Variants in PTPRT observed in about 807,000 individuals in gnomAD.
The protein encoded by PTPRT is receptor-type tyrosine-protein phosphatase T.
A neutral mutation model predicts 176.8 loss-of-function variants in PTPRT; 56 were observed. The ratio of observed to expected loss-of-function variants is 0.32; its 90% CI spans 0.26 to 0.40. The LOEUF (loss-of-function observed/expected upper bound fraction) is 0.40, where lower values mean the gene tolerates loss of function less well. Among genes scored for constraint, PTPRT ranks in the 10% least tolerant of loss-of-function variants. PTPRT has a pLI of 1.00. For synonymous variants in PTPRT, 783 were observed against 739.0 expected, an observed-to-expected ratio of 1.06 and a Z score of -0.96; for missense variants, 1,540 against 1,908.2, an observed-to-expected ratio of 0.81 and a Z score of 3.60.
At chr20:42,516,758 A>G (rs2072074950) in intron 7 of PTPRT, among the ~76,000 whole-genome samples, 1 of 152,144 alleles carries the variant, frequency 6.6e-6, no homozygotes. Flanking sequence ...GTAGATAAGA[A>G]TTCCAATACG....
intron 7 of PTPRT, among the ~76,000 whole-genome samples, chr20:42,547,442 G>T (rs1201152544): frequency 6.6e-6 from 1 of 151,814 alleles, no homozygotes; most frequent in African/African-American, 2.4e-5. Flanking sequence ...GTCACAGAAG[G>T]GAATAGATGC....
At chr20:42,541,924 C>G (rs1020017968) in intron 7 of PTPRT, among the ~76,000 whole-genome samples, 2 of 151,842 alleles carry the variant, frequency 1.3e-5, no homozygotes, top group African/African-American at 4.9e-5. Flanking sequence ...CCCAAATCTC[C>G]TCTTGAATTA....
intron 21 of PTPRT, 45 bp from the exon 22 acceptor site, chr20:42,115,360 G>T (rs184713568): frequency 1.4e-6 from 2 of 1,410,002 alleles, no homozygotes; most frequent in Non-Finnish European, 2.0e-6. Flanking sequence ...ACAGAGACAA[G>T]GATGCATAAG....
intron 1 of PTPRT, among the ~76,000 whole-genome samples, chr20:42,891,995 G>T (rs1261430772): frequency 1.3e-5 from 2 of 152,212 alleles, no homozygotes; most frequent in Admixed American, 1.3e-4. Context: ...AATGAGTGTG[G>T]CTGTGTTCCA....
intron 7 of PTPRT, among the ~76,000 whole-genome samples, chr20:42,634,221 AAC>A (rs1278263089): frequency 7.3e-6 from 1 of 137,178 alleles, no homozygotes; most frequent in Non-Finnish European, 1.5e-5. Flanking sequence ...TGAAATATGA[AAC>A]ATGACTGGTC....
intron 1 of PTPRT, among the ~76,000 whole-genome samples, chr20:42,918,000 A>T (rs1337933285): frequency 2.6e-5 from 4 of 152,070 alleles, no homozygotes; most frequent in Non-Finnish European, 5.9e-5. Flanking sequence ...CCAGAGGTGC[A>T]TCTCTCTGAT....
At chr20:42,696,715 G>A (rs559620351) in intron 6 of PTPRT, among the ~76,000 whole-genome samples, 305 of 152,056 alleles carry the variant, frequency 2.0e-3, no homozygotes, top group Non-Finnish European at 3.5e-3. Flanking sequence ...TTGGCCTTCC[G>A]AAGTGCTGGG....
At chr20:42,641,428 TG>T (rs2074747705) in intron 7 of PTPRT, among the ~76,000 whole-genome samples, 1 of 152,122 alleles carries the variant, frequency 6.6e-6, no homozygotes, top group Admixed American at 6.6e-5. Flanking sequence ...TTGTCTTTGA[TG>T]GGGGCTTTAT....
chr20:43,107,537 C>T (rs753568620), intron 1 of PTPRT, among the ~76,000 whole-genome samples: 1 of 152,212 alleles, frequency 6.6e-6, no homozygotes, highest in African/African-American at 2.4e-5. Context: ...AAATTAAAAA[C>T]GGCAGTCATT....
At chr20:42,424,989 T>C (rs1041345475) in intron 9 of PTPRT, among the ~76,000 whole-genome samples, 2 of 152,010 alleles carry the variant, frequency 1.3e-5, no homozygotes, top group Admixed American at 6.6e-5. Flanking sequence ...TTGTTTTCTA[T>C]ATTTCTTTGA....
chr20:42,430,940 T>G (rs2059211146), intron 9 of PTPRT, among the ~76,000 whole-genome samples: 2 of 152,148 alleles, frequency 1.3e-5, no homozygotes, highest in Non-Finnish European at 2.9e-5. Context: ...ACAGGTGAGA[T>G]CTATGTGCAG....
intron 14 of PTPRT, 93 bp from the exon 15 acceptor site, chr20:42,236,351 T>C (rs1251599996): frequency 2.7e-6 from 3 of 1,127,228 alleles, no homozygotes; most frequent in African/African-American, 1.6e-5. Flanking sequence ...TAATGAAATC[T>C]TGATTCTTAG....
chr20:42,716,107 C>T (rs989341104), intron 6 of PTPRT, among the ~76,000 whole-genome samples: 6 of 151,974 alleles, frequency 3.9e-5, no homozygotes, highest in African/African-American at 1.5e-4. Flanking sequence ...TTCTGGGTCT[C>T]AGAATGAAAA....
intron 2 of PTPRT, among the ~76,000 whole-genome samples, chr20:42,855,635 T>C (rs546116817): frequency 6.6e-6 from 1 of 152,228 alleles, no homozygotes; most frequent in Non-Finnish European, 1.5e-5. Context: ...TTTCGCCATG[T>C]TGGCCAGGCT....
chr20:42,423,385 G>A (rs1205292915), intron 9 of PTPRT, among the ~76,000 whole-genome samples: 3 of 152,064 alleles, frequency 2.0e-5, no homozygotes, highest in African/African-American at 7.2e-5. Flanking sequence ...CAGTTAGACT[G>A]CATTTCCCTT....
At chr20:42,575,405 A>C (rs1360487816) in intron 7 of PTPRT, among the ~76,000 whole-genome samples, 2 of 152,198 alleles carry the variant, frequency 1.3e-5, no homozygotes, top group Non-Finnish European at 2.9e-5. Context: ...AACCGGTAGA[A>C]TGGCAGGCTG....
chr20:42,471,403 G>A (rs1216461486), intron 8 of PTPRT, among the ~76,000 whole-genome samples: 1 of 152,230 alleles, frequency 6.6e-6, no homozygotes, highest in East Asian at 1.9e-4. Flanking sequence ...CTTCGCGACA[G>A]TGAGTGAATT....
chr20:42,290,643 TTTTATTTA>T (rs896764441), intron 12 of PTPRT, among the ~76,000 whole-genome samples: 23 of 151,966 alleles, frequency 1.5e-4, no homozygotes, highest in African/African-American at 5.3e-4. Flanking sequence ...ATGCAAATAA[TTTTATTTA>T]TTTATTTATT....
At chr20:43,179,854 C>A (rs1374480432) in intron 1 of PTPRT, among the ~76,000 whole-genome samples, 1 of 152,240 alleles carries the variant, frequency 6.6e-6, no homozygotes, top group African/African-American at 2.4e-5. Context: ...TGGTGGGCAG[C>A]TCCTGAAATG....
Sources: gnomAD v4.1 joint callset for allele counts (sites outside exome capture counted in the v4.1 genomes callset) on GRCh38, gnomAD v4.1.1 for gene constraint, MANE v1.5 for transcripts, NCBI Gene and HGNC (gene_info 2026-07-23, HGNC 2026-07-21) for gene names.